The following MDH1 variants were observed in gnomAD, a reference collection of about 807,000 sequenced individuals.
MDH1 encodes malate dehydrogenase 1.
MDH1 carries 15 observed loss-of-function variants against 38.7 expected under a neutral mutation model. The ratio of observed to expected loss-of-function variants is 0.39; its 90% CI spans 0.26 to 0.60. The LOEUF (loss-of-function observed/expected upper bound fraction) is 0.60, where lower values mean the gene tolerates loss of function less well. Ranked by LOEUF, MDH1 falls within the 20% of genes least tolerant of loss-of-function variation. MDH1 has a pLI of 0.56. For synonymous variants in MDH1, 144 were observed against 143.6 expected, an observed-to-expected ratio of 1.00 and a Z score of -0.02; for missense variants, 368 against 405.2, an observed-to-expected ratio of 0.91 and a Z score of 0.79.
intron 1 of MDH1, chr2:63,589,357 C>T: frequency 3.2e-6 from 5 of 1,550,620 alleles, no homozygotes; most frequent in Non-Finnish European, 3.5e-6. Flanking sequence ...TTCCAAAGGA[C>T]GTTACGGTGT....
At chr2:63,604,392 C>T (rs930248457) in intron 5 of MDH1, among the ~76,000 whole-genome samples, 1 of 152,096 alleles carries the variant, frequency 6.6e-6, no homozygotes, top group African/African-American at 2.4e-5. Flanking sequence ...ATAATAGTAA[C>T]GATTAATGTT....
At chr2:63,597,599 A>C (rs769870377) in intron 4 of MDH1, 25 bp downstream of exon 4, 7 of 1,334,434 alleles carry the variant, frequency 5.2e-6, no homozygotes, top group Non-Finnish European at 6.8e-6. Context: ...ATTTTATGGG[A>C]TTTTTCATTA....
chr2:63,589,548 T>A (rs546078766), intron 1 of MDH1, among the ~76,000 whole-genome samples: 1 of 152,352 alleles, frequency 6.6e-6, no homozygotes, highest in South Asian at 2.1e-4. Context: ...CAGACGTGTT[T>A]CCGCCATATC....
chr2:63,597,803 G>A (rs373233201), intron 4 of MDH1: 6 of 311,010 alleles, frequency 1.9e-5, no homozygotes, highest in South Asian at 1.6e-4. Flanking sequence ...TTAGTATAAC[G>A]TGAAAATTTA....
chr2:63,589,460 T>C lies in MDH1; in HGVS notation c.3+414T>C, dbSNP rs1575716752. ...TGCCCACAGTGTTTATAACGGCTTT[T>C]GTCACAGGGACCTTGAAAGCAAAAA... On this transcript the variant is annotated intron_variant, in intron 1 of 8. Coordinates refer to ENST00000233114, the MANE Select transcript of MDH1 (RefSeq NM_005917.4). The C allele has an allele frequency of 8.5e-6, 12 of 1,414,486 alleles. No homozygotes were observed. The East Asian group carries it at 3.0e-4, about 35-fold the overall frequency. 87.6% of individuals were successfully genotyped at this position (1,414,486 alleles called of 1,614,324 possible).
At chr2:63,603,721 G>A (rs952103765) in intron 5 of MDH1, among the ~76,000 whole-genome samples, 8 of 143,736 alleles carry the variant, frequency 5.6e-5, no homozygotes, top group Admixed American at 2.9e-4. Flanking sequence ...GCAGTGGTGC[G>A]ATCTTGGCTC....
At position 63,607,117 on chromosome 2, in the gene MDH1, C is replaced by A; in HGVS notation, c.*130C>A. On this transcript the variant is annotated 3_prime_UTR_variant, in exon 9 of 9. Transcript: ENST00000233114. ...AACAACACATTTTAAAGATTACGTG[C>A]TTCTTGGTACAGGTTTGTGAATGAC... 1 of 851,088 alleles carries A rather than the reference C, an allele frequency of 1.2e-6. No homozygotes were observed. The highest frequency in any genetic ancestry group is 1.7e-6 in the Non-Finnish European group (1 of 581,470). 52.7% of individuals were successfully genotyped at this position (851,088 alleles called of 1,614,324 possible).
At chr2:63,592,970 C>T (rs1367843975) in intron 1 of MDH1, among the ~76,000 whole-genome samples, 1 of 151,160 alleles carries the variant, frequency 6.6e-6, no homozygotes, top group African/African-American at 2.4e-5. Context: ...GAATGAAAAA[C>T]GTGTAGGCCA....
intron 5 of MDH1, among the ~76,000 whole-genome samples, chr2:63,602,920 T>A (rs1709452265): frequency 6.6e-6 from 1 of 151,392 alleles, no homozygotes; most frequent in African/African-American, 2.4e-5. Context: ...CATAATACAG[T>A]TTATTTAACC....
chr2:63,593,614 CA>C, intron 1 of MDH1: 2 of 471,686 alleles, frequency 4.2e-6, no homozygotes, highest in Non-Finnish European at 8.8e-6. Flanking sequence ...ATCAGTGGAC[CA>C]TTTCTCCATG....
intron 1 of MDH1, chr2:63,590,686 C>G (rs1483872537): frequency 6.6e-6 from 1 of 152,098 alleles, no homozygotes; most frequent in African/African-American, 2.4e-5. Context: ...ATTTTGGGCC[C>G]CAGATTCTTA....
chr2:63,592,637 A>C (rs769067787), intron 1 of MDH1, among the ~76,000 whole-genome samples: 1 of 152,270 alleles, frequency 6.6e-6, no homozygotes, highest in Admixed American at 6.5e-5. Flanking sequence ...GGTGTGAGCC[A>C]CTGCACTCAG....
At chr2:63,597,846 G>T in intron 4 of MDH1, 1 of 217,882 alleles carries the variant, frequency 4.6e-6, no homozygotes, top group Non-Finnish European at 8.9e-6. Flanking sequence ...AGAAGGCACA[G>T]GATCTTCTGG....
intron 5 of MDH1, 63 bp from the exon 6 acceptor site, chr2:63,604,633 C>T: frequency 7.6e-7 from 1 of 1,320,542 alleles, no homozygotes; most frequent in Non-Finnish European, 1.1e-6. Flanking sequence ...TTTGTCAAAA[C>T]AGGTCCCAAT....
chr2:63,593,733 G>A (rs956427711), intron 1 of MDH1: 18 of 468,632 alleles, frequency 3.8e-5, no homozygotes, highest in Middle Eastern at 3.3e-4. Context: ...TACCCATTAC[G>A]TTTCTAAACA....
At position 63,597,522 on chromosome 2, in the gene MDH1, T is replaced by A; in HGVS notation, c.323T>A (p.Ile108Asn). 6.6e-7 allele frequency: 1 copy of A among 1,503,982 alleles called. No individual in the cohort carries two copies. Among genetic ancestry groups the A allele is most frequent in the African/African-American group, 1.4e-5 (1 of 70,832 alleles). 93.2% of individuals were successfully genotyped at this position (1,503,982 alleles called of 1,614,324 possible). A position where few individuals can be genotyped will look rare whatever the true frequency, so the allele number is the denominator to read the frequency against. ...GATTTACTGAAAGCAAATGTGAAAA[T>A]CTTCAAATCCCAGGGTGCAGCCTTA... ...RKDLLKANVK[I>N]FKSQGAALDK... The change falls in exon 4 of 9, where the codon ATC (isoleucine) becomes AAC (asparagine). Residue 108 changes from isoleucine to asparagine, a missense_variant. Ile to Asn is a moderately radical substitution (Grantham distance 149). Transcript: ENST00000233114.
intron 8 of MDH1, 28 bp downstream of exon 8, chr2:63,606,056 C>T: frequency 6.4e-7 from 1 of 1,569,522 alleles, no homozygotes; most frequent in Non-Finnish European, 8.8e-7. Context: ...TATTTCCCTT[C>T]TTTGAGGAAG....
chr2:63,596,685 A>G (rs1558860116), intron 3 of MDH1, among the ~76,000 whole-genome samples: 2 of 152,210 alleles, frequency 1.3e-5, no homozygotes, highest in Non-Finnish European at 2.9e-5. Context: ...CAACTAGCCA[A>G]TTTTCCAGTG....
In MDH1 at chr2:63,589,005, A is replaced by G; in HGVS notation, c.-39A>G. The G allele has an allele frequency of 6.2e-7, 1 of 1,614,130 alleles. No homozygotes were observed. The highest frequency in any genetic ancestry group is 1.3e-5 in the African/African-American group (1 of 75,028). ...GAGGTGACCTGACTCTCTGAGGCTC[A>G]TTTTGCAGTTGTTGAAATTGTCCCC... is the stretch of plus-strand genomic sequence containing the variant. On this transcript the variant is annotated 5_prime_UTR_variant, in exon 1 of 9. Transcript: ENST00000233114.
Sources: gnomAD v4.1 joint callset for allele counts (sites outside exome capture counted in the v4.1 genomes callset) on GRCh38, gnomAD v4.1.1 for gene constraint, MANE v1.5 for transcripts, NCBI Gene and HGNC (gene_info 2026-07-23, HGNC 2026-07-21) for gene names.